CADM2: variants seen among roughly 807,000 people sequenced by gnomAD.
The protein encoded by CADM2 is immunoglobulin superfamily member 4D.
In CADM2, 12 loss-of-function variants were observed where a neutral mutation model predicts 49.8. That is an observed-to-expected ratio of 0.24 (90% CI 0.15 to 0.39). The LOEUF is 0.39. Among genes scored for constraint, CADM2 ranks in the 10% least tolerant of loss-of-function variants. The pLI is 1.00. For missense variants in CADM2, 378 were observed against 492.3 expected, an observed-to-expected ratio of 0.77 and a Z score of 2.20; for synonymous variants, 214 against 175.4, an observed-to-expected ratio of 1.22 and a Z score of -1.74.
chr3:85,099,326 A>G lies in CADM2; in HGVS notation c.61+139658A>G, dbSNP rs181233867. Among the ~76,000 whole-genome samples, 104 of 151,926 alleles carry G rather than the reference A, an allele frequency of 6.8e-4. 2 individuals carry two copies. Among genetic ancestry groups the G allele is most frequent in the Admixed American group, 6.8e-3 (103 of 15,228 alleles). The stretch of plus-strand genomic sequence containing the variant: ...AACATAACATGGCATAAGATTGAAA[A>G]CTCCATCAGGGTTTGATCGCCTACA... On this transcript the variant is annotated intron_variant, in intron 1 of 9. Coordinates refer to ENST00000383699, the MANE Select transcript of CADM2 (RefSeq NM_001167675.2).
At chr3:85,687,196 A>G (rs1290414933) in intron 1 of CADM2, among the ~76,000 whole-genome samples, 1 of 152,250 alleles carries the variant, frequency 6.6e-6, no homozygotes, top group Middle Eastern at 3.2e-3. Flanking sequence ...ACTGACAATT[A>G]CATTTAATAG....
chr3:85,617,939 A>G (rs912946024), intron 1 of CADM2, among the ~76,000 whole-genome samples: 1 of 152,192 alleles, frequency 6.6e-6, no homozygotes, highest in African/African-American at 2.4e-5. Flanking sequence ...GCCTTTTTTT[A>G]AAATAATAGA....
chr3:85,316,847 G>T (rs894266758), intron 1 of CADM2, among the ~76,000 whole-genome samples: 2 of 152,100 alleles, frequency 1.3e-5, no homozygotes, highest in Non-Finnish European at 2.9e-5. Context: ...AATCTCAAAA[G>T]AAAGTAAGAG....
intron 1 of CADM2, among the ~76,000 whole-genome samples, chr3:85,466,283 C>A (rs2038487133): frequency 6.6e-6 from 1 of 152,004 alleles, no homozygotes; most frequent in Non-Finnish European, 1.5e-5. Flanking sequence ...ATTTATCTTC[C>A]CCAATTTTAT....
intron 1 of CADM2, among the ~76,000 whole-genome samples, chr3:85,072,910 G>T (rs2036812395): frequency 6.6e-6 from 1 of 151,912 alleles, no homozygotes; most frequent in Admixed American, 6.6e-5. Context: ...ATCATTGCAG[G>T]ACATTTAACC....
chr3:85,251,626 T>G (rs2107862198), intron 1 of CADM2, among the ~76,000 whole-genome samples: 1 of 152,042 alleles, frequency 6.6e-6, no homozygotes. Flanking sequence ...TCATCTGAAT[T>G]TTCATTCTTT....
chr3:85,945,389 A>G (rs888984867), intron 7 of CADM2, among the ~76,000 whole-genome samples: 2 of 152,152 alleles, frequency 1.3e-5, no homozygotes, highest in African/African-American at 4.8e-5. Context: ...AACTATTCCA[A>G]TCAATAGAAA....
Position 85,307,956 on chromosome 3 carries a change from C to A in CADM2, c.61+348288C>A, listed in dbSNP as rs866736983. 3.6e-3 allele frequency among the ~76,000 whole-genome samples: 517 copies of A among 143,926 alleles called. 1 individual carries two copies. The highest frequency in any genetic ancestry group is 5.2e-3 in the Non-Finnish European group (342 of 66,002). 94.4% of individuals were successfully genotyped at this position (143,926 alleles called of 152,430 possible). A position where few individuals can be genotyped will look rare whatever the true frequency, so the allele number is the denominator to read the frequency against. ...CAGAAAAATTAGAAAAAAAAAAAAACACAATAATTTTTAAAAAAGGTTTAA... is the reference window on the plus strand; with the variant it reads ...CAGAAAAATTAGAAAAAAAAAAAAAAACAATAATTTTTAAAAAAGGTTTAA... On this transcript the variant is annotated intron_variant, in intron 1 of 9. Transcript: ENST00000383699.
At chr3:85,676,701 G>A (rs369479325) in intron 1 of CADM2, among the ~76,000 whole-genome samples, 22 of 151,640 alleles carry the variant, frequency 1.5e-4, no homozygotes, top group Admixed American at 3.3e-4. Context: ...AAAAACATGC[G>A]TAATACTTCT....
intron 1 of CADM2, among the ~76,000 whole-genome samples, chr3:84,994,908 A>C (rs1347996848): frequency 6.6e-6 from 1 of 151,774 alleles, no homozygotes; most frequent in East Asian, 1.9e-4. Flanking sequence ...TGCACCTGTA[A>C]CCCAGCTACT....
intron 8 of CADM2, among the ~76,000 whole-genome samples, chr3:86,041,587 C>G (rs1457098053): frequency 6.6e-6 from 1 of 152,042 alleles, no homozygotes; most frequent in East Asian, 1.9e-4. Context: ...TAAAGCAAGT[C>G]CTTAGAGACC....
intron 1 of CADM2, among the ~76,000 whole-genome samples, chr3:85,122,339 A>G (rs2038892513): frequency 6.6e-6 from 1 of 152,134 alleles, no homozygotes. Flanking sequence ...ATCCAGTGAG[A>G]ATATTCACTC....
intron 1 of CADM2, among the ~76,000 whole-genome samples, chr3:85,468,076 C>T (rs368422755): frequency 2.1e-5 from 3 of 140,798 alleles, no homozygotes; most frequent in African/African-American, 5.3e-5. Context: ...ATGGCGTGAA[C>T]CCGGGAGGCG....
rs1288130334 is a variant in CADM2 at position 86,067,710 on chromosome 3, T to C, written c.*927T>C. On this transcript the variant is annotated 3_prime_UTR_variant, in exon 10 of 10. Coordinates refer to ENST00000383699, the MANE Select transcript of CADM2 (RefSeq NM_001167675.2). ...AACATTATTTGATACATATTTAACT[T>C]TTTTGGCTGTATGTAATTCAGTCAT... The C allele has an allele frequency of 6.6e-6, 1 of 152,510 alleles. No homozygotes were observed. The highest frequency in any genetic ancestry group is 6.5e-5 in the Admixed American group (1 of 15,268). The allele number at this position is 152,510 out of a possible 1,614,324, so 9.4% of individuals were successfully genotyped here.
At chr3:85,342,596 A>G (rs192800004) in intron 1 of CADM2, among the ~76,000 whole-genome samples, 2 of 152,270 alleles carry the variant, frequency 1.3e-5, no homozygotes, top group South Asian at 2.1e-4. Context: ...GTTTCTCTGC[A>G]TGCCTTGTGG....
chr3:85,785,854 T>C (rs938632279), intron 2 of CADM2, among the ~76,000 whole-genome samples: 8 of 152,110 alleles, frequency 5.3e-5, no homozygotes, highest in Admixed American at 2.0e-4. Context: ...TAATTTATTA[T>C]GCAATAAACA....
chr3:85,135,239 A>G (rs910159478), intron 1 of CADM2, among the ~76,000 whole-genome samples: 3 of 152,028 alleles, frequency 2.0e-5, no homozygotes, highest in Non-Finnish European at 4.4e-5. Context: ...ATATTGTAAC[A>G]TTAGAAAATT....
At chr3:85,309,175 T>C (rs2044283820) in intron 1 of CADM2, among the ~76,000 whole-genome samples, 1 of 152,106 alleles carries the variant, frequency 6.6e-6, no homozygotes, top group South Asian at 2.1e-4. Context: ...AGATCTGAGC[T>C]AAGTCTTAAA....
chr3:85,564,430 A>G (rs2062195102), intron 1 of CADM2, among the ~76,000 whole-genome samples: 1 of 152,198 alleles, frequency 6.6e-6, no homozygotes, highest in Admixed American at 6.6e-5. Context: ...TATATGGCTC[A>G]TCATATCAAA....
Sources: gnomAD v4.1 joint callset for allele counts (sites outside exome capture counted in the v4.1 genomes callset) on GRCh38, gnomAD v4.1.1 for gene constraint, MANE v1.5 for transcripts, NCBI Gene and HGNC (gene_info 2026-07-23, HGNC 2026-07-21) for gene names.